Variants in HECW2 observed in about 807,000 individuals in gnomAD.
HECW2 encodes the protein E3 ubiquitin-protein ligase HECW2.
In HECW2, 61 loss-of-function variants were observed where a neutral mutation model predicts 175.2. That is an observed-to-expected ratio of 0.35 (90% CI 0.28 to 0.43). The LOEUF (loss-of-function observed/expected upper bound fraction) is 0.43, where lower values mean the gene tolerates loss of function less well. Ranked by LOEUF, HECW2 falls within the 20% of genes least tolerant of loss-of-function variation. HECW2 has a pLI of 1.00. For missense variants in HECW2, 1,524 were observed against 2,000.5 expected, an observed-to-expected ratio of 0.76 and a Z score of 4.54; for synonymous variants, 671 against 731.0, an observed-to-expected ratio of 0.92 and a Z score of 1.32.
At chr2:196,297,339 G>C (rs1559019641) in intron 13 of HECW2, among the ~76,000 whole-genome samples, 2 of 152,196 alleles carry the variant, frequency 1.3e-5, no homozygotes, top group African/African-American at 4.8e-5. Flanking sequence ...ATGATCAACT[G>C]AATTTCTTGA....
intron 17 of HECW2, among the ~76,000 whole-genome samples, chr2:196,265,341 C>A (rs894881920): frequency 1.3e-5 from 2 of 152,052 alleles, no homozygotes; most frequent in Admixed American, 6.6e-5. Flanking sequence ...AAAAATTAGC[C>A]GGGCATGGTA....
intron 2 of HECW2, among the ~76,000 whole-genome samples, chr2:196,367,882 G>C (rs1301809721): frequency 1.3e-5 from 2 of 151,654 alleles, no homozygotes; most frequent in African/African-American, 2.4e-5. Context: ...GTGTTTGTGT[G>C]TGTGTGTGTG....
intron 1 of HECW2, among the ~76,000 whole-genome samples, chr2:196,560,321 T>C (rs1689953949): frequency 6.6e-6 from 1 of 152,174 alleles, no homozygotes; most frequent in Non-Finnish European, 1.5e-5. Context: ...AATTTTTGTA[T>C]TTTTAGTAGA....
chr2:196,226,982 C>T (rs190090423), intron 22 of HECW2, among the ~76,000 whole-genome samples: 38 of 152,314 alleles, frequency 2.5e-4, no homozygotes, highest in Admixed American at 2.6e-4. Flanking sequence ...ATTCAAGTTT[C>T]TAGCTCTTTG....
At chr2:196,302,681 T>C (rs1691106935) in intron 13 of HECW2, among the ~76,000 whole-genome samples, 2 of 152,340 alleles carry the variant, frequency 1.3e-5, no homozygotes, top group East Asian at 3.9e-4. Flanking sequence ...TTTGTAGCAA[T>C]TGTGAATGGG....
intron 10 of HECW2, 104 bp from the exon 11 acceptor site, chr2:196,308,189 T>C: frequency 1.2e-6 from 1 of 805,428 alleles, no homozygotes. Context: ...CATGCTATAA[T>C]CTGAGACTAA....
chr2:196,358,585 CAAAAAAAAAAAAAAAAAA>C (rs144181608), intron 2 of HECW2, among the ~76,000 whole-genome samples: 4 of 67,352 alleles, frequency 5.9e-5, no homozygotes, highest in South Asian at 7.4e-4. Flanking sequence ...GACTCTGTCT[CAAAAAAAAAAAAAAAAAA>C]AAAAAAAAAA....
intron 17 of HECW2, chr2:196,259,920 G>C (rs1271182717): frequency 1.3e-5 from 2 of 152,154 alleles, no homozygotes; most frequent in African/African-American, 4.8e-5. Flanking sequence ...CAAATATGCA[G>C]CTTATCTCTT....
intron 28 of HECW2, 61 bp from the exon 29 acceptor site, chr2:196,201,449 G>T (rs964934082): frequency 4.0e-6 from 4 of 1,000,974 alleles, no homozygotes; most frequent in East Asian, 2.5e-5. Flanking sequence ...AAATGTGTGT[G>T]GTGTGTGTGT....
At chr2:196,527,350 C>T (rs984766310) in intron 1 of HECW2, among the ~76,000 whole-genome samples, 3 of 152,230 alleles carry the variant, frequency 2.0e-5, no homozygotes, top group African/African-American at 4.8e-5. Flanking sequence ...GCACGGTGCA[C>T]GCACCCACTG....
In HECW2 at chr2:196,306,518, T is replaced by G; in HGVS notation, c.2784A>C (p.Pro928=). ...QSPPVKFLIS[P]EFFTVLHSNP... ...TAGAATGCAGCACGGTGAAGAACTC[T>G]GGGCTGATGAGGAACTTCACGGGGG... The change falls in exon 13 of 29, where the codon CCA becomes CCC. Residue 928 remains proline (P), a synonymous_variant. Transcript: ENST00000644978. 1 of 1,612,226 alleles carries G rather than the reference T, an allele frequency of 6.2e-7. No individual in the cohort carries two copies. Among genetic ancestry groups the G allele is most frequent in the Non-Finnish European group, 8.5e-7 (1 of 1,179,154 alleles).
At chr2:196,329,452 A>AC (rs1226128795) in intron 5 of HECW2, 123 bp downstream of exon 5, 10 of 632,482 alleles carry the variant, frequency 1.6e-5, no homozygotes, top group Non-Finnish European at 2.3e-5. Flanking sequence ...CAGAAGTATG[A>AC]CCCCCCAAAA....
intron 1 of HECW2, among the ~76,000 whole-genome samples, chr2:196,445,838 C>A (rs185048746): frequency 2.8e-4 from 43 of 152,306 alleles, no homozygotes; most frequent in African/African-American, 1.0e-3. Flanking sequence ...TACAATACAA[C>A]TAAAAAGTAA....
In HECW2 at chr2:196,292,554, C is replaced by T; in HGVS notation, c.3000+11G>A. On this transcript the variant is annotated intron_variant, in intron 14 of 28. Transcript: ENST00000644978. ...CATTTGGCACTCCCTGAGGCATCTC[C>T]CTCGTGTTACCTTGCCCTGGTGATC... The T allele has an allele frequency of 6.2e-7, 1 of 1,607,956 alleles. No homozygotes were observed. Among genetic ancestry groups the T allele is most frequent in the African/African-American group, 1.3e-5 (1 of 74,962 alleles).
chr2:196,226,505 A>C (rs1363598274), intron 22 of HECW2, among the ~76,000 whole-genome samples: 1 of 152,206 alleles, frequency 6.6e-6, no homozygotes, highest in Non-Finnish European at 1.5e-5. Context: ...AGTTTCACTC[A>C]TATTTAGAGA....
chr2:196,459,736 G>A (rs2125324111), intron 1 of HECW2, among the ~76,000 whole-genome samples: 1 of 152,246 alleles, frequency 6.6e-6, no homozygotes. Flanking sequence ...TTCTTGATAA[G>A]AGACCACAGA....
Position 196,386,494 on chromosome 2 carries a change from C to G in HECW2, c.293-42730G>C, listed in dbSNP as rs558923613. Reference sequence around the variant, plus strand: ...ATAAAAGGAGTGCAGATATTAACAGCAATGTAAAGAAGCAGACCACCTGTT... The same window carrying G: ...ATAAAAGGAGTGCAGATATTAACAGGAATGTAAAGAAGCAGACCACCTGTT... On this transcript the variant is annotated intron_variant, in intron 2 of 28. Transcript: ENST00000644978. Among the ~76,000 whole-genome samples the G allele has an allele frequency of 3.9e-5, 6 of 152,300 alleles. No homozygotes were observed. The South Asian group carries it at 1.2e-3, about 32-fold the overall frequency.
chr2:196,588,905 T>C (rs1464395491), intron 1 of HECW2, among the ~76,000 whole-genome samples: 1 of 152,068 alleles, frequency 6.6e-6, no homozygotes, highest in Non-Finnish European at 1.5e-5. Flanking sequence ...ATCCTACTTA[T>C]AAAAAAGATA....
chr2:196,421,781 T>C (rs1315022967), intron 2 of HECW2, among the ~76,000 whole-genome samples: 1 of 152,170 alleles, frequency 6.6e-6, no homozygotes, highest in Non-Finnish European at 1.5e-5. Context: ...TCTAGAATCA[T>C]CTCAATCTAT....
Sources: gnomAD v4.1 joint callset for allele counts (sites outside exome capture counted in the v4.1 genomes callset) on GRCh38, gnomAD v4.1.1 for gene constraint, MANE v1.5 for transcripts, NCBI Gene and HGNC (gene_info 2026-07-23, HGNC 2026-07-21) for gene names.